PTPRD: variants seen among roughly 807,000 people sequenced by gnomAD.
PTPRD encodes receptor-type tyrosine-protein phosphatase delta.
In PTPRD, 34 loss-of-function variants were observed where a neutral mutation model predicts 214.5. The observed-to-expected ratio is 0.16, with a 90% CI of 0.12 to 0.21. PTPRD has a LOEUF of 0.21. PTPRD is among the 10% of genes least tolerant of loss of function. The pLI is 1.00. For missense variants in PTPRD, 2,545 were observed against 2,398.7 expected (o/e 1.06, Z -1.27); for synonymous variants, 1,128 against 845.7 (o/e 1.33, Z -5.79).
intron 10 of PTPRD, among the ~76,000 whole-genome samples, chr9:9,060,912 AT>A (rs986525884): frequency 6.6e-6 from 1 of 152,248 alleles, no homozygotes; most frequent in Non-Finnish European, 1.5e-5. Flanking sequence ...TCAGCAATAA[AT>A]TTTTTTTAAA....
intron 2 of PTPRD, among the ~76,000 whole-genome samples, chr9:10,503,744 A>G (rs1357015059): frequency 6.6e-6 from 1 of 152,070 alleles, no homozygotes; most frequent in Non-Finnish European, 1.5e-5. Flanking sequence ...TGAGACAATT[A>G]TACGTGCTAG....
intron 8 of PTPRD, among the ~76,000 whole-genome samples, chr9:9,451,147 T>C (rs1357577518): frequency 1.3e-5 from 2 of 151,816 alleles, no homozygotes; most frequent in African/African-American, 2.4e-5. Context: ...TTGATATCCT[T>C]GAGCATCTGT....
At chr9:9,846,697 C>T (rs1410268444) in intron 5 of PTPRD, among the ~76,000 whole-genome samples, 1 of 152,072 alleles carries the variant, frequency 6.6e-6, no homozygotes, top group South Asian at 2.1e-4. Flanking sequence ...GCTTGTTATT[C>T]TGCCAAACAC....
chr9:10,002,917 T>G (rs1045074745), intron 4 of PTPRD, among the ~76,000 whole-genome samples: 1 of 151,764 alleles, frequency 6.6e-6, no homozygotes, highest in Admixed American at 6.6e-5. Context: ...GGATGTATCA[T>G]TATTAATTAT....
intron 11 of PTPRD, among the ~76,000 whole-genome samples, chr9:8,833,813 C>G (rs2097353197): frequency 6.6e-6 from 1 of 150,654 alleles, no homozygotes; most frequent in African/African-American, 2.4e-5. Flanking sequence ...TGAAAAACAA[C>G]TGTATTTCCA....
chr9:10,410,095 T>C (rs2098418246), intron 2 of PTPRD, among the ~76,000 whole-genome samples: 2 of 151,434 alleles, frequency 1.3e-5, no homozygotes, highest in Non-Finnish European at 3.0e-5. Context: ...ATAAATATAA[T>C]ATATCAATGG....
At chr9:9,563,648 AT>A (rs1591669391) in intron 8 of PTPRD, among the ~76,000 whole-genome samples, 2 of 152,170 alleles carry the variant, frequency 1.3e-5, no homozygotes, top group Non-Finnish European at 2.9e-5. Flanking sequence ...TATGCCAAGG[AT>A]TAAACATTAT....
chr9:9,607,005 A>AAAAAG (rs1187365479), intron 7 of PTPRD, among the ~76,000 whole-genome samples: 1 of 119,604 alleles, frequency 8.4e-6, no homozygotes, highest in Non-Finnish European at 1.7e-5. Context: ...AAAAAAAAAA[A>AAAAAG]GTGTTTCTGC....
chr9:9,032,294 A>G (rs2099608087), intron 10 of PTPRD, among the ~76,000 whole-genome samples: 1 of 152,078 alleles, frequency 6.6e-6, no homozygotes, highest in Non-Finnish European at 1.5e-5. Flanking sequence ...TCAAAACTGC[A>G]ATTGCTTTTC....
At chr9:9,802,473 AG>A (rs141490500) in intron 5 of PTPRD, among the ~76,000 whole-genome samples, 1 of 151,986 alleles carries the variant, frequency 6.6e-6, no homozygotes, top group East Asian at 1.9e-4. Flanking sequence ...CTTAAACTCC[AG>A]GTTCAAAATA....
chr9:9,476,978 G>A (rs556165617), intron 8 of PTPRD, among the ~76,000 whole-genome samples: 61 of 152,072 alleles, frequency 4.0e-4, no homozygotes, highest in Non-Finnish European at 8.1e-4. Flanking sequence ...CAGGTGATCC[G>A]CCTGCCTCAG....
At chr9:8,548,004 T>A (rs1056848944) in intron 14 of PTPRD, among the ~76,000 whole-genome samples, 1 of 152,286 alleles carries the variant, frequency 6.6e-6, no homozygotes, top group South Asian at 2.1e-4. Flanking sequence ...AAAACGTGCA[T>A]GTGAACACAG....
At chr9:10,400,167 A>C (rs553342565) in intron 2 of PTPRD, among the ~76,000 whole-genome samples, 1 of 151,982 alleles carries the variant, frequency 6.6e-6, no homozygotes, top group South Asian at 2.1e-4. Context: ...CAGGCAGGTC[A>C]ACTGAAGTCT....
At chr9:9,063,288 G>T (rs774649320) in intron 10 of PTPRD, among the ~76,000 whole-genome samples, 2 of 152,118 alleles carry the variant, frequency 1.3e-5, no homozygotes, top group African/African-American at 4.8e-5. Context: ...TAATTCTGTA[G>T]TTCATGCTAA....
chr9:9,610,785 G>C (rs925805474), intron 7 of PTPRD, among the ~76,000 whole-genome samples: 3 of 152,002 alleles, frequency 2.0e-5, no homozygotes, highest in African/African-American at 7.2e-5. Context: ...TTGGAGGATA[G>C]ACAAAGGTAA....
chr9:8,863,173 A>G (rs1482043642), intron 11 of PTPRD, among the ~76,000 whole-genome samples: 1 of 152,234 alleles, frequency 6.6e-6, no homozygotes, highest in Non-Finnish European at 1.5e-5. Context: ...CCTCACCTGC[A>G]GTGTGTAGAG....
At chr9:10,289,422 T>C (rs1195652734) in intron 3 of PTPRD, among the ~76,000 whole-genome samples, 1 of 152,066 alleles carries the variant, frequency 6.6e-6, no homozygotes, top group Non-Finnish European at 1.5e-5. Context: ...AAACCCTGCT[T>C]AGGTTGATGT....
chr9:10,462,096 G>A (rs2098963104), intron 2 of PTPRD, among the ~76,000 whole-genome samples: 1 of 152,076 alleles, frequency 6.6e-6, no homozygotes, highest in South Asian at 2.1e-4. Flanking sequence ...TGTAAACTAT[G>A]AGGAATGATA....
Position 9,660,900 on chromosome 9 carries a change from T to A in PTPRD, c.-287+73633A>T, listed in dbSNP as rs149589723. On this transcript the variant is annotated intron_variant, in intron 7 of 45. Transcript: ENST00000381196. ...GCTACGCTGCCACCAATGCCAGGAT[T>A]CATGACTTTGTCATTGTGTCACGTT... Among the ~76,000 whole-genome samples the A allele has an allele frequency of 5.9e-3, 896 of 152,110 alleles. 9 individuals carry two copies. The highest frequency in any genetic ancestry group is 0.01 in the Middle Eastern group (3 of 294).
Sources: gnomAD v4.1 joint callset for allele counts (sites outside exome capture counted in the v4.1 genomes callset) on GRCh38, gnomAD v4.1.1 for gene constraint, MANE v1.5 for transcripts, NCBI Gene and HGNC (gene_info 2026-07-23, HGNC 2026-07-21) for gene names.